The following KRT82 variants were observed in gnomAD, a reference collection of about 807,000 sequenced individuals.
KRT82 encodes keratin 82.
KRT82 carries 44 observed loss-of-function variants against 48.0 expected under a neutral mutation model. The observed-to-expected ratio is 0.92, with a 90% CI of 0.72 to 1.18. KRT82 has a LOEUF of 1.18. Ranked by LOEUF, KRT82 falls within the 50% of genes most tolerant of loss-of-function variation. The pLI is 0.00. For synonymous variants in KRT82, 297 were observed against 278.3 expected (o/e 1.07, Z -0.67); for missense variants, 701 against 671.4 (o/e 1.04, Z -0.49).
Position 52,397,983 on chromosome 12 carries a change from G to A in KRT82, c.943-975C>T, listed in dbSNP as rs1939736639. On this transcript the variant is annotated intron_variant, in intron 5 of 8. Coordinates refer to ENST00000257974, the MANE Select transcript of KRT82 (RefSeq NM_033033.4). Reference sequence around the variant, plus strand: ...GATCACTTGAACCTGGGAGGCAGAGGTTGCAGTGAGGCGAGATTGCACCAC... The same window carrying A: ...GATCACTTGAACCTGGGAGGCAGAGATTGCAGTGAGGCGAGATTGCACCAC... Among the ~76,000 whole-genome samples, 8 of 152,162 alleles carry A rather than the reference G, an allele frequency of 5.3e-5. No homozygotes were observed. The South Asian group carries it at 1.7e-3, about 32-fold the overall frequency.
Position 52,406,136 on chromosome 12 carries a change from C to G in KRT82, c.142G>C (p.Ala48Pro), listed in dbSNP as rs777644287. 1.2e-6 allele frequency: 2 copies of G among 1,613,054 alleles called. No individual in the cohort carries two copies. Among genetic ancestry groups the G allele is most frequent in the Non-Finnish European group, 1.7e-6 (2 of 1,179,804 alleles). Residue 48 changes from alanine (A) to proline (P), a missense_variant, in exon 1 of 9, where the codon GCT becomes CCT. Physicochemically the swap from Ala to Pro is conservative, Grantham distance 27. Coordinates refer to ENST00000257974, the MANE Select transcript of KRT82 (RefSeq NM_033033.4). The part of the protein sequence containing the change: ...CRPGGGRGLR[A>P]LGCLGSRSLC... ...CTCCGTGAGCCAAGGCAGCCCAGAG[C>G]TCGGAGGCCCCTACCACCCCCGGGC... is the stretch of plus-strand genomic sequence containing the variant.
intron 8 of KRT82, 86 bp from the exon 9 acceptor site, chr12:52,395,281 TC>T: frequency 9.2e-7 from 1 of 1,092,432 alleles, no homozygotes; most frequent in Non-Finnish European, 1.3e-6. Flanking sequence ...AGGCCATTCC[TC>T]CCACCTCCTG....
chr12:52,405,829 G>A (rs1000455529), intron 1 of KRT82, 38 bp downstream of exon 1: 5 of 1,566,598 alleles, frequency 3.2e-6, no homozygotes, highest in Non-Finnish European at 4.3e-6. Context: ...CAGATCTGCA[G>A]TGGGTCCTCT....
At chr12:52,401,379 A>G in intron 2 of KRT82, 30 bp from the exon 3 acceptor site, 1 of 1,610,862 alleles carries the variant, frequency 6.2e-7, no homozygotes, top group Non-Finnish European at 8.5e-7. Flanking sequence ...AAAATGCTTT[A>G]GTCGGGCTTG....
chr12:52,396,419 G>A (rs180707956), intron 6 of KRT82, among the ~76,000 whole-genome samples, 187 bp from the exon 7 acceptor site: 8 of 152,310 alleles, frequency 5.3e-5, no homozygotes, highest in African/African-American at 1.9e-4. Context: ...ACCTCCAAGA[G>A]AGCGGGGATT....
chr12:52,405,933 C>T lies in KRT82; in HGVS notation c.345G>A (p.Arg115=), dbSNP rs138541543. The T allele has an allele frequency of 1.0e-3, 1,657 of 1,614,088 alleles. 1 individual carries two copies. The highest frequency in any genetic ancestry group is 1.2e-3 in the Non-Finnish European group (1,430 of 1,180,054). Reference sequence around the variant, plus strand: ...TCTGCTCCTTCTCATCCCTCTTTACCCTCTGCACAGTCGGGTCTATCTCCA... The same window carrying T: ...TCTGCTCCTTCTCATCCCTCTTTACTCTCTGCACAGTCGGGTCTATCTCCA... ...LALEIDPTVQ[R]VKRDEKEQIK... is the part of the protein sequence containing the mutation. The change falls in exon 1 of 9, where the codon AGG becomes AGA. Residue 115 remains arginine, a synonymous_variant. Transcript: ENST00000257974.
rs1939709920 is a variant in KRT82 at position 52,396,083 on chromosome 12, C to T, written c.1218G>A (p.Val406=). Residue 406 remains valine (V), a synonymous_variant, in exon 7 of 9, where the codon GTG becomes GTA. Transcript: ENST00000257974. ...MACLLKEYQE[V]MNSKLGLDIE... is the part of the protein sequence containing the mutation. ...TGTCCAGGCCCAGCTTGGAGTTCAT[C>T]ACCTCCTGATATTCCTTGAGCAGGC... The T allele has an allele frequency of 6.2e-7, 1 of 1,614,092 alleles. No individual in the cohort carries two copies. Among genetic ancestry groups the T allele is most frequent in the Non-Finnish European group, 8.5e-7 (1 of 1,180,052 alleles).
rs1162702217 is a variant in KRT82, at chr12:52,396,210, A to G, written c.1091T>C (p.Ile364Thr). ...KAQRCKLEGA[I>T]AEAEQQGEAA... ...CTCGCCCTGCTGCTCTGCCTCAGCTATGGCACCCTCAAGTTTGCAGCGCTG... is the reference window on the plus strand; with the variant it reads ...CTCGCCCTGCTGCTCTGCCTCAGCTGTGGCACCCTCAAGTTTGCAGCGCTG... Residue 364 changes from isoleucine to threonine, a missense_variant, in exon 7 of 9, where the codon ATA (isoleucine) becomes ACA (threonine). Coordinates refer to ENST00000257974, the MANE Select transcript of KRT82 (RefSeq NM_033033.4). The G allele has an allele frequency of 6.2e-7, 1 of 1,613,612 alleles. No individual in the cohort carries two copies.
At chr12:52,396,323 G>C in intron 6 of KRT82, 91 bp from the exon 7 acceptor site, 1 of 1,216,416 alleles carries the variant, frequency 8.2e-7, no homozygotes, top group Non-Finnish European at 1.1e-6. Flanking sequence ...GGGTGGCTAC[G>C]TGCCAGGCTC....
Position 52,401,307 on chromosome 12 carries a change from C to A in KRT82, c.663G>T (p.Glu221Asp). 6.2e-7 allele frequency: 1 copy of A among 1,614,062 alleles called. No individual in the cohort carries two copies. The highest frequency in any genetic ancestry group is 1.1e-5 in the South Asian group (1 of 91,078). ...ELSLRPCVEN[E>D]FVALKKDVDT... ...TCCTTACCTTCTTCAAGGCAACAAA[C>A]TCATTCTCAACACAGGGACGCAGGG... is the stretch of plus-strand genomic sequence containing the variant. Residue 221 changes from glutamate (E) to aspartate (D), a missense_variant, in exon 3 of 9, where the codon GAG becomes GAT. Transcript: ENST00000257974.
At chr12:52,400,698 G>A in intron 3 of KRT82, 76 bp from the exon 4 acceptor site, 1 of 1,002,528 alleles carries the variant, frequency 1.0e-6, no homozygotes, top group Non-Finnish European at 1.6e-6. Flanking sequence ...GGAAGGCGTG[G>A]GGCTCACCTT....
chr12:52,396,272 G>A, intron 6 of KRT82, 40 bp from the exon 7 acceptor site: 1 of 1,570,980 alleles, frequency 6.4e-7, no homozygotes. Flanking sequence ...GGGGGCCCTG[G>A]AGCCCCAAGC....
In KRT82 at chr12:52,406,156, C is replaced by T; in HGVS notation, c.122G>A (p.Gly41Glu). ...YAVSKGPCRP[G>E]GGRGLRALGC... ...CAGAGCTCGGAGGCCCCTACCACCC[C>T]CGGGCCGGCATGGCCCCTTGCTCAC... Residue 41 changes from glycine (G) to glutamate (E), a missense_variant, in exon 1 of 9, where the codon GGG becomes GAG. Coordinates refer to ENST00000257974, the MANE Select transcript of KRT82 (RefSeq NM_033033.4). 6.2e-7 allele frequency: 1 copy of T among 1,613,234 alleles called. No homozygotes were observed. Among genetic ancestry groups the T allele is most frequent in the Admixed American group, 1.7e-5 (1 of 59,998 alleles).
At position 52,396,229 on chromosome 12, in the gene KRT82, A is replaced by G. The variant is rs1357431370; in HGVS notation, c.1072T>C (p.Cys358Arg). ...QETENVKAQR[C>R]KLEGAIAEAE... The stretch of plus-strand genomic sequence containing the variant: ...TCAGCTATGGCACCCTCAAGTTTGC[A>G]GCGCTGTGGGAGGGGCGCAGAAAAG... Residue 358 changes from cysteine (C) to arginine (R), a missense_variant, in exon 7 of 9, where the codon TGC becomes CGC. Physicochemically the swap from Cys to Arg is radical, Grantham distance 180. Transcript: ENST00000257974. The G allele has an allele frequency of 1.2e-6, 2 of 1,611,964 alleles. No homozygotes were observed. The highest frequency in any genetic ancestry group is 1.7e-6 in the Non-Finnish European group (2 of 1,179,832).
Position 52,405,999 on chromosome 12 carries a change from G to A in KRT82, c.279C>T (p.Thr93=). Residue 93 remains threonine, a synonymous_variant, in exon 1 of 9, where the codon ACC becomes ACT. Transcript: ENST00000257974. ...GCAGGCTCTCATTGATGGTGACAGG[G>A]GTGATGCAGGCAGAAGGCCCACAGG... The part of the protein sequence containing the change: ...GATCGPSACI[T]PVTINESLLV... The A allele has an allele frequency of 1.2e-6, 2 of 1,614,240 alleles. No individual in the cohort carries two copies. Among genetic ancestry groups the A allele is most frequent in the Non-Finnish European group, 1.7e-6 (2 of 1,180,046 alleles).
chr12:52,395,916 G>C (rs910196062), intron 7 of KRT82, 96 bp downstream of exon 7: 2 of 1,549,190 alleles, frequency 1.3e-6, no homozygotes, highest in African/African-American at 2.7e-5. Context: ...AATGTGGGTA[G>C]GGGACGGGGT....
chr12:52,395,942 C>T, intron 7 of KRT82, 70 bp downstream of exon 7: 4 of 1,591,834 alleles, frequency 2.5e-6, no homozygotes, highest in Non-Finnish European at 3.4e-6. Flanking sequence ...ATACTAGCAG[C>T]CGCCACCAGA....
intron 5 of KRT82, 45 bp downstream of exon 5, chr12:52,399,940 T>A: frequency 6.3e-7 from 1 of 1,591,780 alleles, no homozygotes; most frequent in Non-Finnish European, 8.6e-7. Context: ...CCTCCCCTGG[T>A]TTGTCACCTC....
At position 52,406,290 on chromosome 12, in the gene KRT82, A is replaced by C; in HGVS notation, c.-13T>G. On this transcript the variant is annotated 5_prime_UTR_variant, in exon 1 of 9. Transcript: ENST00000257974. ...AGTGGTACGACATGGCAGGAGAGAG[A>C]GGCAGAGAAATGCGGCCCTGGAGGA... 6.4e-7 allele frequency: 1 copy of C among 1,564,598 alleles called. No individual in the cohort carries two copies.
Sources: allele counts gnomAD v4.1 joint callset (sites outside exome capture counted in the v4.1 genomes callset), GRCh38; gene constraint gnomAD v4.1.1; transcripts MANE v1.5; gene names NCBI Gene and HGNC (gene_info 2026-07-23, HGNC 2026-07-21).